SUPT3H: variants seen among roughly 807,000 people sequenced by gnomAD.
SUPT3H encodes transcription initiation protein SPT3 homolog.
A neutral mutation model predicts 44.3 loss-of-function variants in SUPT3H; 44 were observed. That is an observed-to-expected ratio of 0.99 (90% CI 0.78 to 1.28). The LOEUF (loss-of-function observed/expected upper bound fraction) is 1.28, where lower values mean the gene tolerates loss of function less well. SUPT3H is among the 50% of genes most tolerant of loss of function. The pLI is 0.00. For synonymous variants in SUPT3H, 124 were observed against 125.6 expected (o/e 0.99, Z 0.09); for missense variants, 380 against 387.1 (o/e 0.98, Z 0.15).
chr6:45,261,688 C>A (rs1774392565), intron 2 of SUPT3H, among the ~76,000 whole-genome samples: 1 of 152,122 alleles, frequency 6.6e-6, no homozygotes, highest in African/African-American at 2.4e-5. Flanking sequence ...TGCCACCACT[C>A]TCACCACATC....
At chr6:45,210,020 A>G (rs1346311018) in intron 2 of SUPT3H, among the ~76,000 whole-genome samples, 2 of 152,206 alleles carry the variant, frequency 1.3e-5, no homozygotes, top group Non-Finnish European at 2.9e-5. Flanking sequence ...AAAGACTATG[A>G]CACATTGAAG....
chr6:45,278,328 A>G (rs898300175), intron 2 of SUPT3H, among the ~76,000 whole-genome samples: 1 of 152,162 alleles, frequency 6.6e-6, no homozygotes, highest in Admixed American at 6.5e-5. Flanking sequence ...ATGATATTCA[A>G]GTCTACACAG....
intron 2 of SUPT3H, among the ~76,000 whole-genome samples, chr6:45,337,521 T>C (rs1294195381): frequency 6.6e-6 from 1 of 151,834 alleles, no homozygotes; most frequent in African/African-American, 2.4e-5. Flanking sequence ...AAAGCAACTT[T>C]TAGTAAGTTC....
At chr6:45,150,729 T>TTG (rs1474556122) in intron 2 of SUPT3H, among the ~76,000 whole-genome samples, 4 of 141,514 alleles carry the variant, frequency 2.8e-5, no homozygotes, top group Non-Finnish European at 4.6e-5. Context: ...CGTTTTTTTT[T>TTG]TTTTTTTTTT....
chr6:44,911,334 T>A (rs145415042), intron 10 of SUPT3H, among the ~76,000 whole-genome samples: 37 of 152,328 alleles, frequency 2.4e-4, no homozygotes, highest in Non-Finnish European at 4.4e-4. Context: ...TAGGATGTTT[T>A]TTCCTTTGGG....
At chr6:44,813,976 T>C (rs1766728559) in intron 11 of SUPT3H, among the ~76,000 whole-genome samples, 1 of 152,088 alleles carries the variant, frequency 6.6e-6, no homozygotes, top group Admixed American at 6.5e-5. Context: ...CAGCCACAGA[T>C]TCAAGTAGTT....
chr6:45,328,362 T>C (rs775587041), intron 2 of SUPT3H: 2 of 1,385,098 alleles, frequency 1.4e-6, no homozygotes, highest in Non-Finnish European at 1.9e-6. Context: ...GAACCACAAG[T>C]GCGGTGCAAA....
At chr6:45,052,651 C>G (rs945879309) in intron 3 of SUPT3H, among the ~76,000 whole-genome samples, 2 of 152,040 alleles carry the variant, frequency 1.3e-5, no homozygotes. Flanking sequence ...TTAGAAAATG[C>G]CCCATTATTA....
intron 2 of SUPT3H, among the ~76,000 whole-genome samples, chr6:45,320,145 T>C (rs1043460317): frequency 3.9e-5 from 6 of 152,082 alleles, no homozygotes; most frequent in Non-Finnish European, 1.5e-5. Context: ...ATTAAAAAAA[T>C]TTCCAAATAC....
Position 44,932,676 on chromosome 6 carries a change from T to C in SUPT3H, c.889A>G (p.Ile297Val). The change falls in exon 10 of 11, where the codon ATT becomes GTT. Residue 297 changes from isoleucine (I) to valine (V), a missense_variant. Physicochemically the swap from Ile to Val is conservative, Grantham distance 29. Transcript: ENST00000371459. ...REAIRRYSHR[I>V]GPLSPFTNAY... ...ACTGTGAATGGGGAAAGTGGGCCAA[T>C]CCTGTGGCTGTAGCGTCGAATGGCC... 1 of 1,611,032 alleles carries C rather than the reference T, an allele frequency of 6.2e-7. No individual in the cohort carries two copies. Among genetic ancestry groups the C allele is most frequent in the Non-Finnish European group, 8.5e-7 (1 of 1,178,670 alleles).
intron 3 of SUPT3H, among the ~76,000 whole-genome samples, chr6:45,093,103 T>C (rs1349361586): frequency 3.9e-5 from 6 of 152,004 alleles, no homozygotes; most frequent in African/African-American, 1.4e-4. Context: ...TCGCAATGGA[T>C]GTGAAGAGTT....
intron 2 of SUPT3H, among the ~76,000 whole-genome samples, chr6:45,234,763 C>T (rs1335625893): frequency 6.6e-6 from 1 of 152,058 alleles, no homozygotes; most frequent in Non-Finnish European, 1.5e-5. Flanking sequence ...TCAAGTTACC[C>T]ACTTTTATAT....
At chr6:45,338,552 T>C (rs953033520) in intron 2 of SUPT3H, among the ~76,000 whole-genome samples, 2 of 152,096 alleles carry the variant, frequency 1.3e-5, no homozygotes, top group African/African-American at 2.4e-5. Context: ...CAACCAAGTG[T>C]ATTTCAGTGT....
Position 45,081,652 on chromosome 6 carries a change from C to T in SUPT3H, c.186+24270G>A, listed in dbSNP as rs76774719. ...GAAATCACCATCCAATCTAACTCTA[C>T]GTCTTATATATACACTATAATTGTG... On this transcript the variant is annotated intron_variant, in intron 3 of 10. Transcript: ENST00000371459. Among the ~76,000 whole-genome samples, 1,461 of 152,198 alleles carry T rather than the reference C, an allele frequency of 9.6e-3. 24 individuals are homozygous for T. The highest frequency in any genetic ancestry group is 0.017 in the Middle Eastern group (5 of 294).
chr6:45,057,036 G>T (rs963721704), intron 3 of SUPT3H, among the ~76,000 whole-genome samples: 1 of 152,026 alleles, frequency 6.6e-6, no homozygotes, highest in African/African-American at 2.4e-5. Context: ...ATTGAAAGAT[G>T]TATTTGAGTG....
intron 2 of SUPT3H, among the ~76,000 whole-genome samples, chr6:45,220,039 TCAA>T (rs1562721365): frequency 5.5e-5 from 1 of 18,078 alleles, no homozygotes; most frequent in East Asian, 1.5e-3. Flanking sequence ...AGACTCTGTC[TCAA>T]AAAAAAAAAA....
chr6:44,957,623 G>A (rs1775407436), intron 7 of SUPT3H, among the ~76,000 whole-genome samples: 1 of 151,674 alleles, frequency 6.6e-6, no homozygotes, highest in Non-Finnish European at 1.5e-5. Context: ...ATATTCAGTT[G>A]GATCTATCCA....
intron 2 of SUPT3H, among the ~76,000 whole-genome samples, chr6:45,237,247 A>G (rs942910520): frequency 2.0e-5 from 3 of 152,222 alleles, no homozygotes; most frequent in Non-Finnish European, 2.9e-5. Context: ...GGACATTTCA[A>G]TCATTTCTCT....
chr6:44,997,967 G>A (rs1021170708), intron 6 of SUPT3H, among the ~76,000 whole-genome samples: 4 of 151,548 alleles, frequency 2.6e-5, no homozygotes, highest in Non-Finnish European at 4.4e-5. Flanking sequence ...AAGCATACTC[G>A]AACTCAAGGA....
Sources: allele counts gnomAD v4.1 joint callset (sites outside exome capture counted in the v4.1 genomes callset), GRCh38; gene constraint gnomAD v4.1.1; transcripts MANE v1.5; gene names NCBI Gene and HGNC (gene_info 2026-07-23, HGNC 2026-07-21).